The following TYW1 variants were observed in gnomAD, a reference collection of about 807,000 sequenced individuals.
TYW1 encodes the protein tRNA-yW synthesizing protein 1 homolog.
Under a neutral mutation model 96.2 loss-of-function variants are expected in TYW1, and 46 were observed. The ratio of observed to expected loss-of-function variants is 0.48; its 90% CI spans 0.38 to 0.61. The LOEUF (loss-of-function observed/expected upper bound fraction) is 0.61, where lower values mean the gene tolerates loss of function less well. TYW1 is among the 20% of genes least tolerant of loss of function. The pLI, the probability that TYW1 is intolerant of heterozygous loss-of-function variation, is 0.00. For synonymous variants in TYW1, 274 were observed against 323.0 expected (o/e 0.85, Z 1.63); for missense variants, 684 against 909.6 (o/e 0.75, Z 3.19).
chr7:67,033,868 T>G (rs1377247201), intron 7 of TYW1, among the ~76,000 whole-genome samples: 5 of 150,818 alleles, frequency 3.3e-5, no homozygotes, highest in Admixed American at 6.6e-5. Flanking sequence ...CTAATTTTTA[T>G]ATGTTTAGTA....
intron 13 of TYW1, among the ~76,000 whole-genome samples, chr7:67,176,319 T>C (rs1225499138): frequency 3.3e-5 from 5 of 152,188 alleles, no homozygotes; most frequent in Non-Finnish European, 7.3e-5. Context: ...AAGTATCATT[T>C]CTCCATACAC....
At chr7:67,237,811 G>A (rs4718500) in intron 15 of TYW1, among the ~76,000 whole-genome samples, 40,598 of 151,778 alleles carry the variant, frequency 0.27, 5,792 homozygotes, top group African/African-American at 0.36. Flanking sequence ...ATCCACGTTA[G>A]GCCAGAAAAG....
intron 11 of TYW1, chr7:67,089,361 G>A: frequency 1.6e-6 from 2 of 1,239,458 alleles, no homozygotes; most frequent in Non-Finnish European, 1.2e-6. Context: ...CATTCCCAAG[G>A]CTTAGGTATC....
intron 13 of TYW1, among the ~76,000 whole-genome samples, chr7:67,159,950 G>A (rs897653389): frequency 3.6e-4 from 53 of 149,194 alleles, no homozygotes; most frequent in Middle Eastern, 3.4e-3. Context: ...ACAGGCGCCC[G>A]CCACCACGCC....
In TYW1 at chr7:67,221,936, G is replaced by A. The variant is rs559023850; in HGVS notation, c.1978-16372G>A. ...ATAGAGGCTGGGTGTGGTGGCTGAC[G>A]CCTGTAATCCCAGCACTTTGGGAGG... On this transcript the variant is annotated intron_variant, in intron 15 of 15. Coordinates refer to ENST00000359626, the MANE Select transcript of TYW1 (RefSeq NM_018264.4). Among the ~76,000 whole-genome samples, 204 of 151,260 alleles carry A rather than the reference G, an allele frequency of 1.3e-3. 1 individual carries two copies. Among genetic ancestry groups the A allele is most frequent in the African/African-American group, 4.8e-3 (199 of 41,152 alleles).
intron 7 of TYW1, among the ~76,000 whole-genome samples, chr7:67,047,669 T>A (rs1795228089): frequency 6.6e-6 from 1 of 151,610 alleles, no homozygotes; most frequent in Admixed American, 6.6e-5. Context: ...ATTTGGTACA[T>A]TTGATTCTCT....
chr7:67,143,475 C>T (rs1192362167), intron 13 of TYW1, among the ~76,000 whole-genome samples: 13 of 152,220 alleles, frequency 8.5e-5, no homozygotes, highest in Non-Finnish European at 1.5e-4. Context: ...AGTAAGCTTT[C>T]CCTCCACTCT....
At position 67,083,447 on chromosome 7, in the gene TYW1, T is replaced by C. The variant is rs1796444368; in HGVS notation, c.1292T>C (p.Val431Ala). 6.2e-7 allele frequency: 1 copy of C among 1,614,046 alleles called. No homozygotes were observed. Among genetic ancestry groups the C allele is most frequent in the Admixed American group, 1.7e-5 (1 of 59,994 alleles). Residue 431 changes from valine (V) to alanine (A), a missense_variant, in exon 11 of 16, where the codon GTG (valine) becomes GCG (alanine). Val to Ala is a moderately conservative substitution (Grantham distance 64, BLOSUM62 0). Transcript: ENST00000359626. Reference protein sequence around the residue: ...VFCWRHHTNPVGTEWRWKMDQ... With the variant: ...VFCWRHHTNPAGTEWRWKMDQ... ...GTTCCTAGGCACCACACCAACCCCG[T>C]GGGCACTGAGTGGCGGTGGAAGATG...
intron 7 of TYW1, among the ~76,000 whole-genome samples, chr7:67,035,650 C>T (rs1215481005): frequency 1.3e-5 from 2 of 152,058 alleles, no homozygotes; most frequent in African/African-American, 2.4e-5. Context: ...AAGACATGCA[C>T]AAGGCAATGC....
At chr7:67,119,707 T>C (rs1348147591) in intron 13 of TYW1, among the ~76,000 whole-genome samples, 1 of 152,150 alleles carries the variant, frequency 6.6e-6, no homozygotes, top group Non-Finnish European at 1.5e-5. Flanking sequence ...TCTTAGCTGC[T>C]CTCTCCTGAG....
chr7:67,207,920 C>T (rs1332921188), intron 15 of TYW1, among the ~76,000 whole-genome samples: 1 of 151,972 alleles, frequency 6.6e-6, no homozygotes, highest in Non-Finnish European at 1.5e-5. Context: ...GGGGTTTTAC[C>T]ATGTTTGGCA....
chr7:67,222,364 A>T (rs897996459), intron 15 of TYW1, among the ~76,000 whole-genome samples: 9 of 152,166 alleles, frequency 5.9e-5, no homozygotes, highest in African/African-American at 1.7e-4. Flanking sequence ...TCCATTTAGC[A>T]TTTCTTACAG....
In TYW1 at chr7:67,072,963, T is replaced by TTTTTTTTTTTTTTG. The variant is rs1219374462; in HGVS notation, c.1274+5561_1274+5562insTTTTTTTTTTTTGT. Among the ~76,000 whole-genome samples the TTTTTTTTTTTTTTG allele has an allele frequency of 3.7e-4, 44 of 118,684 alleles. 4 individuals carry two copies. The highest frequency in any genetic ancestry group is 1.4e-3 in the African/African-American group (42 of 29,022). The allele number at this position is 118,684 out of a possible 152,430, so 77.9% of individuals were successfully genotyped here. On this transcript the variant is annotated intron_variant, in intron 10 of 15. Coordinates refer to ENST00000359626, the MANE Select transcript of TYW1 (RefSeq NM_018264.4). ...TTTTTTTTTTTTTTTTTTTTTTTTT[T>TTTTTTTTTTTTTTG]TATAGAGACAGGGTCTTGCTATGTT...
intron 14 of TYW1, among the ~76,000 whole-genome samples, chr7:67,184,857 A>G (rs934045539): frequency 5.3e-5 from 8 of 151,370 alleles, no homozygotes; most frequent in Non-Finnish European, 7.4e-5. Context: ...ACAGCTGCCC[A>G]CTACCGCACC....
At chr7:67,141,846 A>T (rs920160937) in intron 13 of TYW1, among the ~76,000 whole-genome samples, 1 of 152,102 alleles carries the variant, frequency 6.6e-6, no homozygotes, top group African/African-American at 2.4e-5. Flanking sequence ...GACCACCCTG[A>T]CCAACATGGG....
chr7:67,006,947 G>GATTTTT (rs1562961994), intron 3 of TYW1, among the ~76,000 whole-genome samples: 1 of 69,072 alleles, frequency 1.4e-5, no homozygotes, highest in Admixed American at 1.9e-4. Flanking sequence ...GAGATGTGAG[G>GATTTTT]CTTTTTTTTT....
At chr7:67,018,948 T>C (rs1584469292) in intron 6 of TYW1, among the ~76,000 whole-genome samples, 1 of 88,570 alleles carries the variant, frequency 1.1e-5, no homozygotes, top group African/African-American at 4.0e-5. Flanking sequence ...AGAGTGAGAC[T>C]CAGTCTCAAA....
intron 4 of TYW1, among the ~76,000 whole-genome samples, chr7:67,011,079 C>T (rs1161015822): frequency 1.3e-5 from 2 of 151,996 alleles, no homozygotes; most frequent in African/African-American, 4.8e-5. Context: ...CTCTTGTTGC[C>T]CAGGCTGGAG....
At chr7:67,228,927 G>T (rs1429313307) in intron 15 of TYW1, among the ~76,000 whole-genome samples, 1 of 152,252 alleles carries the variant, frequency 6.6e-6, no homozygotes, top group Non-Finnish European at 1.5e-5. Flanking sequence ...TGGGAAGTCA[G>T]TTCTTCATCT....
Sources: allele counts gnomAD v4.1 joint callset (sites outside exome capture counted in the v4.1 genomes callset), GRCh38; gene constraint gnomAD v4.1.1; transcripts MANE v1.5; gene names NCBI Gene and HGNC (gene_info 2026-07-23, HGNC 2026-07-21).